Variants in CACNA1C observed in about 807,000 individuals in gnomAD.
CACNA1C encodes calcium voltage-gated channel subunit alpha1 C.
A neutral mutation model predicts 229.0 loss-of-function variants in CACNA1C; 30 were observed. That is an observed-to-expected ratio of 0.13 (90% CI 0.10 to 0.18). The LOEUF (loss-of-function observed/expected upper bound fraction) is 0.18, where lower values mean the gene tolerates loss of function less well. Ranked by LOEUF, CACNA1C falls within the 10% of genes least tolerant of loss-of-function variation. The pLI, the probability that CACNA1C is intolerant of heterozygous loss-of-function variation, is 1.00. For synonymous variants in CACNA1C, 1,114 were observed against 1,132.5 expected (o/e 0.98, Z 0.33); for missense variants, 1,658 against 2,845.0 (o/e 0.58, Z 9.49).
intron 3 of CACNA1C, among the ~76,000 whole-genome samples, chr12:2,221,886 T>C (rs1033135936): frequency 3.9e-5 from 6 of 152,156 alleles, no homozygotes; most frequent in African/African-American, 1.4e-4. Flanking sequence ...GAAGGACAGT[T>C]AATGGCACAT....
intron 39 of CACNA1C, 92 bp downstream of exon 39, chr12:2,674,734 C>A (rs889854353): frequency 2.5e-6 from 3 of 1,208,056 alleles, no homozygotes; most frequent in Middle Eastern, 2.8e-4. Flanking sequence ...CCTTAGAATG[C>A]GGAAGCATCC....
chr12:2,337,258 G>A (rs1453883204), intron 3 of CACNA1C, among the ~76,000 whole-genome samples: 2 of 152,210 alleles, frequency 1.3e-5, no homozygotes, highest in Non-Finnish European at 2.9e-5. Context: ...AACTGAGTGA[G>A]CATTCAGGGT....
At chr12:2,578,137 G>A (rs912523391) in intron 13 of CACNA1C, among the ~76,000 whole-genome samples, 2 of 152,122 alleles carry the variant, frequency 1.3e-5, no homozygotes, top group African/African-American at 4.8e-5. Context: ...CAAAGTGCTG[G>A]GATTACAGGC....
intron 3 of CACNA1C, among the ~76,000 whole-genome samples, chr12:2,139,259 A>G (rs761369459): frequency 6.6e-6 from 1 of 150,452 alleles, no homozygotes; most frequent in Non-Finnish European, 1.5e-5. Flanking sequence ...CCGTCTTCAC[A>G]TGGCGCGCTC....
intron 3 of CACNA1C, among the ~76,000 whole-genome samples, chr12:2,374,510 A>C (rs1304657703): frequency 6.6e-6 from 1 of 152,218 alleles, no homozygotes. Context: ...AGCCCACGCC[A>C]CATTGGCCTT....
chr12:2,686,132 T>G (rs764809566), intron 44 of CACNA1C, 34 bp from the exon 45 acceptor site: 15 of 1,555,490 alleles, frequency 9.6e-6, no homozygotes, highest in Non-Finnish European at 1.3e-5. Flanking sequence ...CCTGTTTTCC[T>G]GCCCTGATGG....
chr12:2,146,461 T>G (rs2094717555), intron 3 of CACNA1C, among the ~76,000 whole-genome samples: 1 of 151,190 alleles, frequency 6.6e-6, no homozygotes, highest in South Asian at 2.1e-4. Flanking sequence ...TACATTTTGG[T>G]TGAGGAGTCA....
intron 4 of CACNA1C, among the ~76,000 whole-genome samples, chr12:2,454,226 C>A (rs2154564206): frequency 6.6e-6 from 1 of 152,366 alleles, no homozygotes; most frequent in Non-Finnish European, 1.5e-5. Context: ...CACTTCTCCA[C>A]CTTCCTGCAG....
At chr12:2,577,907 C>G (rs950250656) in intron 13 of CACNA1C, among the ~76,000 whole-genome samples, 3 of 149,418 alleles carry the variant, frequency 2.0e-5, no homozygotes, top group East Asian at 2.0e-4. Context: ...CTCGCTCTGT[C>G]GCCCAGGCTG....
At chr12:2,076,793 C>T (rs527416007) in intron 1 of CACNA1C, among the ~76,000 whole-genome samples, 4 of 152,254 alleles carry the variant, frequency 2.6e-5, no homozygotes, top group South Asian at 2.1e-4. Flanking sequence ...ACTTGTTAGA[C>T]GGGTCACCCT....
In CACNA1C at chr12:2,319,978, C is replaced by T. The variant is rs933310260; in HGVS notation, c.478-128998C>T. On this transcript the variant is annotated intron_variant, in intron 3 of 46. Transcript: ENST00000399655. This position sits in a 1 kb window ranked among gnomAD's most constrained non-coding sequence, Gnocchi z 4.0. ...ACACCGGCTCCCACCCTTTAAAGCTCCTGTCCCTGGGGGTTTTGCTGCAGG... is the reference window on the plus strand; with the variant it reads ...ACACCGGCTCCCACCCTTTAAAGCTTCTGTCCCTGGGGGTTTTGCTGCAGG... Among the ~76,000 whole-genome samples, 2 of 152,202 alleles carry T rather than the reference C, an allele frequency of 1.3e-5. No individual in the cohort carries two copies. Among genetic ancestry groups the T allele is most frequent in the South Asian group, 2.1e-4 (1 of 4,834 alleles).
intron 3 of CACNA1C, among the ~76,000 whole-genome samples, chr12:2,360,415 C>T (rs1291574545): frequency 6.6e-6 from 1 of 152,174 alleles, no homozygotes; most frequent in Non-Finnish European, 1.5e-5. Flanking sequence ...GACGCTGGGG[C>T]ATCAAAGCTG....
chr12:2,514,625 A>G lies in CACNA1C; in HGVS notation c.1390+1641A>G, dbSNP rs148754752. 1.5e-3 allele frequency among the ~76,000 whole-genome samples: 231 copies of G among 152,272 alleles called. 2 individuals carry two copies. The highest frequency in any genetic ancestry group is 0.01 in the Admixed American group (160 of 15,306). On this transcript the variant is annotated intron_variant, in intron 9 of 46. Coordinates refer to ENST00000399655, the MANE Select transcript of CACNA1C (RefSeq NM_000719.7). ...CTACCTCTAAAATGCAGGAATTTGTATGCTGGCTCCTGGCTCCACCCTAAG... is the reference window on the plus strand; with the variant it reads ...CTACCTCTAAAATGCAGGAATTTGTGTGCTGGCTCCTGGCTCCACCCTAAG...
rs900833446 is a variant in CACNA1C at position 2,653,049 on chromosome 12, G to A, written c.4075-786G>A. Among the ~76,000 whole-genome samples the A allele has an allele frequency of 5.3e-5, 8 of 152,212 alleles. No individual in the cohort carries two copies. The highest frequency in any genetic ancestry group is 9.6e-5 in the African/African-American group (4 of 41,456). ...CGGCTGAAGCGGCGCCCGGGAACACGGGCTGGGCCTCCCATCCTGGGGACC... is the reference window on the plus strand; with the variant it reads ...CGGCTGAAGCGGCGCCCGGGAACACAGGCTGGGCCTCCCATCCTGGGGACC... On this transcript the variant is annotated intron_variant, in intron 32 of 46. Coordinates refer to ENST00000399655, the MANE Select transcript of CACNA1C (RefSeq NM_000719.7). This position sits in a 1 kb window ranked among gnomAD's most constrained non-coding sequence, Gnocchi z 4.7.
rs2095319461 is a variant in CACNA1C, at chr12:2,654,740, A to G, written c.4141-407A>G. Among the ~76,000 whole-genome samples, 1 of 152,226 alleles carries G rather than the reference A, an allele frequency of 6.6e-6. No individual in the cohort carries two copies. Among genetic ancestry groups the G allele is most frequent in the East Asian group, 1.9e-4 (1 of 5,200 alleles). Reference sequence around the variant, plus strand: ...TGCATTAAGCTTGCCCTAGCCTCAGATCACTCACTCCACATCACTCCAAAA... The same window carrying G: ...TGCATTAAGCTTGCCCTAGCCTCAGGTCACTCACTCCACATCACTCCAAAA... On this transcript the variant is annotated intron_variant, in intron 33 of 46. Transcript: ENST00000399655. The surrounding 1 kb of genome is among the most constrained non-coding windows in gnomAD (Gnocchi z 4.4).
chr12:2,243,808 T>A (rs1371699358), intron 3 of CACNA1C, among the ~76,000 whole-genome samples: 2 of 152,240 alleles, frequency 1.3e-5, no homozygotes, highest in Non-Finnish European at 2.9e-5. Flanking sequence ...GGCACTGAAT[T>A]CCTCGCTGCA....
At chr12:2,428,575 AC>A (rs2099054298) in intron 3 of CACNA1C, among the ~76,000 whole-genome samples, 1 of 152,146 alleles carries the variant, frequency 6.6e-6, no homozygotes, top group South Asian at 2.1e-4. Flanking sequence ...AGCTTTGCTC[AC>A]TCTGAAAGGA....
intron 1 of CACNA1C, among the ~76,000 whole-genome samples, chr12:2,060,829 C>T (rs1264018543): frequency 1.3e-5 from 2 of 152,220 alleles, no homozygotes; most frequent in Admixed American, 1.3e-4. Context: ...AGAACCAAGC[C>T]AAAATCTAGA....
intron 11 of CACNA1C, among the ~76,000 whole-genome samples, chr12:2,565,570 G>A (rs966790844): frequency 1.3e-5 from 2 of 152,082 alleles, no homozygotes; most frequent in Non-Finnish European, 2.9e-5. Context: ...TTTGGGGAGG[G>A]TTCCCTAGGT....
Sources: gnomAD v4.1 joint callset for allele counts (sites outside exome capture counted in the v4.1 genomes callset) on GRCh38, gnomAD v4.1.1 for gene constraint, Gnocchi (gnomAD v3.1) non-coding constraint, MANE v1.5 for transcripts, NCBI Gene and HGNC (gene_info 2026-07-23, HGNC 2026-07-21) for gene names.